Variants in RBPJ observed in about 807,000 individuals in gnomAD.
The protein encoded by RBPJ is recombination signal binding protein for immunoglobulin kappa J region, also known as recombining binding protein suppressor of hairless.
Under a neutral mutation model 67.8 loss-of-function variants are expected in RBPJ, and 9 were observed. The observed-to-expected ratio is 0.13, with a 90% confidence interval of 0.08 to 0.23. The LOEUF (loss-of-function observed/expected upper bound fraction) is 0.23, where lower values mean the gene tolerates loss of function less well. RBPJ is among the 10% of genes least tolerant of loss of function. The pLI, the probability that RBPJ is intolerant of heterozygous loss-of-function variation, is 1.00. For missense variants in RBPJ, 305 were observed against 595.6 expected, an observed-to-expected ratio of 0.51 and a Z score of 5.08; for synonymous variants, 198 against 203.3, an observed-to-expected ratio of 0.97 and a Z score of 0.22.
intron 1 of RBPJ, among the ~76,000 whole-genome samples, chr4:26,234,282 A>G (rs776498152): frequency 5.9e-5 from 9 of 152,214 alleles, no homozygotes; most frequent in Non-Finnish European, 1.0e-4. Context: ...CTTTAACCAA[A>G]ATATTCAACA....
the RBPJ span, among the ~76,000 whole-genome samples, chr4:26,138,911 C>G: frequency 6.6e-6 from 1 of 152,182 alleles, no homozygotes; most frequent in Non-Finnish European, 1.5e-5. Context: ...AAGTGCTAGG[C>G]AAGAAGCTGG....
chr4:26,259,646 T>C (rs925589593), intron 1 of RBPJ, among the ~76,000 whole-genome samples: 1 of 152,202 alleles, frequency 6.6e-6, no homozygotes, highest in Admixed American at 6.5e-5. Flanking sequence ...ACTCAGACAG[T>C]GGAAATTTGC....
Position 26,430,163 on chromosome 4 carries a change from TA to T in RBPJ, c.1044+111del. On this transcript the variant is annotated intron_variant, in intron 9 of 10. Transcript: ENST00000355476. This position sits in a 1 kb window ranked among gnomAD's most constrained non-coding sequence, Gnocchi z 4.1. ...TTTGATTTTTCTCCAATCGTCTGAT[TA>T]GGGGATTTTTATATACACCATTTGT... 7.7e-7 allele frequency: 1 copy of T among 1,291,082 alleles called. No individual in the cohort carries two copies. The highest frequency in any genetic ancestry group is 1.1e-6 in the Non-Finnish European group (1 of 898,536). 80.0% of individuals were successfully genotyped at this position (1,291,082 alleles called of 1,614,324 possible). A position where few individuals can be genotyped will look rare whatever the true frequency, so the allele number is the denominator to read the frequency against.
chr4:26,212,809 C>T (rs770994584), intron 1 of RBPJ, among the ~76,000 whole-genome samples: 6 of 151,928 alleles, frequency 3.9e-5, no homozygotes, highest in Non-Finnish European at 5.9e-5. Flanking sequence ...CTTTTTTGTC[C>T]AGTCACATTT....
chr4:26,252,036 G>C (rs1361891516), intron 1 of RBPJ, among the ~76,000 whole-genome samples: 1 of 150,958 alleles, frequency 6.6e-6, no homozygotes, highest in African/African-American at 2.4e-5. Flanking sequence ...ACTTGTTTTG[G>C]GTTCTATCAT....
chr4:26,175,742 A>G (rs1716773395), intron 1 of RBPJ, among the ~76,000 whole-genome samples: 1 of 152,178 alleles, frequency 6.6e-6, no homozygotes, highest in Admixed American at 6.5e-5. Context: ...AAAGGACACT[A>G]TTCTCCATGG....
chr4:26,210,720 T>TTTCCTTCTTCCC (rs55831777), intron 1 of RBPJ, among the ~76,000 whole-genome samples: 1 of 70,876 alleles, frequency 1.4e-5, no homozygotes. Flanking sequence ...TCTTTCCTTC[T>TTTCCTTCTTCCC]TTCTTTCCTT....
chr4:26,401,207 C>T (rs1312966287), intron 2 of RBPJ, among the ~76,000 whole-genome samples: 1 of 152,222 alleles, frequency 6.6e-6, no homozygotes, highest in Non-Finnish European at 1.5e-5. Context: ...GCATTACTGC[C>T]TTTATCTTAC....
chr4:26,171,072 A>G (rs769726597), intron 1 of RBPJ, among the ~76,000 whole-genome samples: 37 of 152,276 alleles, frequency 2.4e-4, no homozygotes, highest in Non-Finnish European at 4.9e-4. Flanking sequence ...GAGTCGAAGG[A>G]CCTGTGTTTG....
chr4:26,229,968 G>A (rs546735778), intron 1 of RBPJ, among the ~76,000 whole-genome samples: 2 of 152,110 alleles, frequency 1.3e-5, no homozygotes, highest in East Asian at 1.9e-4. Context: ...GCGGGAAAAC[G>A]GCTTGAGCCC....
chr4:26,359,413 A>ATTTT lies in RBPJ; in HGVS notation c.21-26923_21-26920dup, dbSNP rs56112785. Among the ~76,000 whole-genome samples, 322 of 129,024 alleles carry ATTTT rather than the reference A, an allele frequency of 2.5e-3. 4 individuals are homozygous for ATTTT. Among genetic ancestry groups the ATTTT allele is most frequent in the African/African-American group, 8.2e-3 (280 of 34,152 alleles). 84.6% of individuals were successfully genotyped at this position (129,024 alleles called of 152,430 possible). ...TTGCAATGACCATTATAACACCTTC[A>ATTTT]TTTTTTTTTTTTTTTTTTTTAACAT... On this transcript the variant is annotated intron_variant, in intron 1 of 10. Transcript: ENST00000355476.
intron 1 of RBPJ, among the ~76,000 whole-genome samples, chr4:26,379,110 C>G (rs1251416379): frequency 1.3e-5 from 2 of 152,092 alleles, no homozygotes; most frequent in Admixed American, 1.3e-4. Flanking sequence ...GAAGGAAGTA[C>G]ATTTCTTCAC....
chr4:26,282,123 CCTCT>C (rs139172060), intron 1 of RBPJ, among the ~76,000 whole-genome samples: 13 of 119,048 alleles, frequency 1.1e-4, no homozygotes, highest in Admixed American at 8.4e-4. Context: ...CATTCGTAAT[CCTCT>C]CTCTCTCTCT....
intron 1 of RBPJ, among the ~76,000 whole-genome samples, chr4:26,349,095 C>CGCGCGCGCGTGT (rs780379162): frequency 2.4e-4 from 36 of 151,002 alleles, no homozygotes; most frequent in African/African-American, 5.8e-4. Flanking sequence ...TGTGCGCGCG[C>CGCGCGCGCGTGT]GCACGCACTT....
intron 1 of RBPJ, among the ~76,000 whole-genome samples, chr4:26,327,507 G>A (rs1219550910): frequency 6.8e-6 from 1 of 146,506 alleles, no homozygotes; most frequent in African/African-American, 2.5e-5. Context: ...TTGATGTGAA[G>A]CAGAATACAC....
At chr4:26,144,267 C>CT in the RBPJ span, among the ~76,000 whole-genome samples, 96,322 of 105,888 alleles carry the variant, frequency 0.91, 44,350 homozygotes, top group East Asian at 0.96. Context: ...TAAGAAAATT[C>CT]TTTTTTTTTT....
At chr4:26,343,594 C>T (rs1725788974) in intron 1 of RBPJ, among the ~76,000 whole-genome samples, 3 of 151,716 alleles carry the variant, frequency 2.0e-5, no homozygotes, top group Non-Finnish European at 4.4e-5. Flanking sequence ...GTTGCCTAGG[C>T]TGGAGTGCAG....
chr4:26,431,678 AT>A lies in RBPJ; in HGVS notation c.*672del, dbSNP rs1301027744. ...AATTGTTTGGATTTCAGCAAGTCAA[AT>A]CTTGCAAAGGCCTGCATATTTTTTT... On this transcript the variant is annotated 3_prime_UTR_variant, in exon 11 of 11. Coordinates refer to ENST00000355476, the MANE Select transcript of RBPJ (RefSeq NM_015874.6). The A allele has an allele frequency of 1.3e-5, 2 of 151,830 alleles. No individual in the cohort carries two copies. Among genetic ancestry groups the A allele is most frequent in the Non-Finnish European group, 2.9e-5 (2 of 67,974 alleles). 9.4% of individuals were successfully genotyped at this position (151,830 alleles called of 1,614,324 possible). A position where few individuals can be genotyped will look rare whatever the true frequency, so the allele number is the denominator to read the frequency against.
chr4:26,299,672 CTTTTTTTTTTTTT>C (rs397879662), intron 1 of RBPJ, among the ~76,000 whole-genome samples: 2 of 85,292 alleles, frequency 2.3e-5, no homozygotes, highest in African/African-American at 4.6e-5. Context: ...AGACTGTGTG[CTTTTTTTTTTTTT>C]TTTTTTTTTT....
Sources: gnomAD v4.1 joint callset for allele counts (sites outside exome capture counted in the v4.1 genomes callset) on GRCh38, gnomAD v4.1.1 for gene constraint, Gnocchi (gnomAD v3.1) non-coding constraint, MANE v1.5 for transcripts, NCBI Gene and HGNC (gene_info 2026-07-23, HGNC 2026-07-21) for gene names.